The following CLPTM1 variants were observed in gnomAD, a reference collection of about 807,000 sequenced individuals.
The protein encoded by CLPTM1 is putative lipid scramblase CLPTM1.
CLPTM1 carries 21 observed loss-of-function variants against 77.3 expected under a neutral mutation model. The ratio of observed to expected loss-of-function variants is 0.27; its 90% CI spans 0.19 to 0.39. CLPTM1 has a LOEUF of 0.39. Ranked by LOEUF, CLPTM1 falls within the 10% of genes least tolerant of loss-of-function variation. The probability of loss-of-function intolerance (pLI) is 1.00; values close to 1 mark genes in which losing one functional copy is unlikely to be tolerated. For synonymous variants in CLPTM1, 373 were observed against 381.0 expected (o/e 0.98, Z 0.24); for missense variants, 642 against 921.2 (o/e 0.70, Z 3.92).
At chr19:44,972,535 C>T (rs1241238222) in intron 2 of CLPTM1, among the ~76,000 whole-genome samples, 1 of 152,236 alleles carries the variant, frequency 6.6e-6, no homozygotes, top group Non-Finnish European at 1.5e-5. Flanking sequence ...AGGCATGAGC[C>T]GCCGCGCCCG....
chr19:44,992,907 G>A lies in CLPTM1; in HGVS notation c.*10G>A, dbSNP rs772273858. The A allele has an allele frequency of 6.2e-7, 1 of 1,611,948 alleles. No homozygotes were observed. Among genetic ancestry groups the A allele is most frequent in the East Asian group, 2.2e-5 (1 of 44,842 alleles). On this transcript the variant is annotated 3_prime_UTR_variant, in exon 14 of 14. Coordinates refer to ENST00000337392, the MANE Select transcript of CLPTM1 (RefSeq NM_001294.4). The surrounding 1 kb of genome is among the most constrained non-coding windows in gnomAD (Gnocchi z 7.7). ...CAAGAAAAAGGATTAGTCGAGACTG[G>A]TCCTCACCTGCTCCGGCTCCTGGCG... is the stretch of plus-strand genomic sequence containing the variant.
chr19:44,962,805 C>T (rs1970564120), intron 2 of CLPTM1, among the ~76,000 whole-genome samples: 3 of 151,946 alleles, frequency 2.0e-5, no homozygotes, highest in Admixed American at 2.0e-4. Flanking sequence ...GTGGCTTACA[C>T]CTACAATCCC....
chr19:44,989,774 G>A (rs1467934256), intron 9 of CLPTM1, among the ~76,000 whole-genome samples: 4 of 152,314 alleles, frequency 2.6e-5, no homozygotes, highest in South Asian at 4.1e-4. Context: ...AGGGGTGTCC[G>A]TGGTGAGACC....
At chr19:44,976,681 G>A (rs186471444) in intron 4 of CLPTM1, among the ~76,000 whole-genome samples, 1 of 152,244 alleles carries the variant, frequency 6.6e-6, no homozygotes, top group Admixed American at 6.5e-5. Flanking sequence ...TCCCTGGGAG[G>A]CAAGGAGACT....
intron 5 of CLPTM1, among the ~76,000 whole-genome samples, chr19:44,981,899 G>C (rs1970903025): frequency 1.3e-5 from 2 of 152,044 alleles, no homozygotes; most frequent in Admixed American, 6.6e-5. Flanking sequence ...AGGAGACCCT[G>C]TCTCACAAAT....
intron 2 of CLPTM1, among the ~76,000 whole-genome samples, chr19:44,962,990 A>G (rs1258876337): frequency 6.6e-6 from 1 of 151,858 alleles, no homozygotes; most frequent in African/African-American, 2.4e-5. Context: ...GCGCTACTGC[A>G]CTCCAGCCTG....
chr19:44,984,876 G>A (rs1012805164), intron 5 of CLPTM1, among the ~76,000 whole-genome samples: 3 of 151,908 alleles, frequency 2.0e-5, no homozygotes, highest in Admixed American at 1.3e-4. Context: ...TATTAGAGAC[G>A]GGGGGTTTCA....
chr19:44,972,396 C>T lies in CLPTM1; in HGVS notation c.186-691C>T, dbSNP rs569159204. On this transcript the variant is annotated intron_variant, in intron 2 of 13. Coordinates refer to ENST00000337392, the MANE Select transcript of CLPTM1 (RefSeq NM_001294.4). Reference sequence around the variant, plus strand: ...CGGAGTAGCTGGGACTACAGGCGCCCGCCACCATGCCCAGCTAATTTTTTT... The same window carrying T: ...CGGAGTAGCTGGGACTACAGGCGCCTGCCACCATGCCCAGCTAATTTTTTT... Among the ~76,000 whole-genome samples the T allele has an allele frequency of 1.1e-3, 161 of 151,826 alleles. 2 individuals are homozygous for T. Among genetic ancestry groups the T allele is most frequent in the Admixed American group, 8.6e-3 (131 of 15,198 alleles).
intron 2 of CLPTM1, among the ~76,000 whole-genome samples, chr19:44,967,114 T>G (rs1362997186): frequency 6.6e-6 from 1 of 151,820 alleles, no homozygotes; most frequent in Non-Finnish European, 1.5e-5. Flanking sequence ...GTGCTGGGAT[T>G]ACAGGCGTGA....
rs1600050580 is a variant in CLPTM1, at chr19:44,991,927, T to C, written c.1556-306T>C. On this transcript the variant is annotated intron_variant, in intron 12 of 13. Transcript: ENST00000337392. This position sits in a 1 kb window ranked among gnomAD's most constrained non-coding sequence, Gnocchi z 5.4. ...CTCAAAAAACAAAAGACCGGGTGAA[T>C]CACAGCCAATAGTGAGTACTGTGAA... Among the ~76,000 whole-genome samples the C allele has an allele frequency of 6.6e-6, 1 of 151,848 alleles. No homozygotes were observed. The highest frequency in any genetic ancestry group is 6.6e-5 in the Admixed American group (1 of 15,244).
chr19:44,979,490 T>C (rs1390229182), intron 5 of CLPTM1, among the ~76,000 whole-genome samples: 1 of 152,220 alleles, frequency 6.6e-6, no homozygotes, highest in Non-Finnish European at 1.5e-5. Flanking sequence ...TTAAGATCCA[T>C]CTGGCTGGTT....
At chr19:44,977,653 TACCCACGGAGGAAGGGAG>T (rs1247538123) in intron 5 of CLPTM1, among the ~76,000 whole-genome samples, 193 bp downstream of exon 5, 1 of 151,938 alleles carries the variant, frequency 6.6e-6, no homozygotes, top group African/African-American at 2.4e-5. Flanking sequence ...TAAGCAGGGA[TACCCACGGAGGAAGGGAG>T]ACCCACGGAG....
At chr19:44,968,263 G>T (rs890983553) in intron 2 of CLPTM1, among the ~76,000 whole-genome samples, 3 of 152,250 alleles carry the variant, frequency 2.0e-5, no homozygotes, top group South Asian at 4.1e-4. Flanking sequence ...AGGGGCCCAT[G>T]AACTCCTTGT....
upstream of CLPTM1, chr19:44,954,832 AAGGATATG>A (rs1386080533): frequency 8.4e-7 from 1 of 1,196,222 alleles, no homozygotes; most frequent in Non-Finnish European, 1.1e-6. Flanking sequence ...AAAACACAGA[AAGGATATG>A]AGCTCAGGAG....
chr19:44,971,333 A>G (rs555583968), intron 2 of CLPTM1, among the ~76,000 whole-genome samples: 27 of 149,970 alleles, frequency 1.8e-4, no homozygotes, highest in African/African-American at 6.5e-4. Context: ...AATTACAAAT[A>G]TAAAATATAT....
intron 5 of CLPTM1, among the ~76,000 whole-genome samples, chr19:44,978,117 T>C (rs1970834418): frequency 6.8e-6 from 1 of 148,102 alleles, no homozygotes; most frequent in African/African-American, 2.5e-5. Flanking sequence ...CTCAAAAAGA[T>C]AGATAGAGGC....
chr19:44,985,396 C>G, intron 6 of CLPTM1, 93 bp downstream of exon 6: 1 of 862,606 alleles, frequency 1.2e-6, no homozygotes, highest in Non-Finnish European at 1.9e-6. Context: ...GTCACCACCA[C>G]TGAACCACCA....
chr19:44,959,526 T>G (rs1314378766), intron 1 of CLPTM1, among the ~76,000 whole-genome samples: 2 of 151,920 alleles, frequency 1.3e-5, no homozygotes, highest in African/African-American at 2.4e-5. Flanking sequence ...GGCTAATTTT[T>G]GTATTTTTAT....
At chr19:44,969,887 C>A (rs2122266579) in intron 2 of CLPTM1, among the ~76,000 whole-genome samples, 1 of 149,462 alleles carries the variant, frequency 6.7e-6, no homozygotes, top group East Asian at 1.9e-4. Flanking sequence ...GGGGTTTCAC[C>A]ATGTTGGCCA....
Sources: allele counts gnomAD v4.1 joint callset (sites outside exome capture counted in the v4.1 genomes callset), GRCh38; gene constraint gnomAD v4.1.1; non-coding constraint Gnocchi (gnomAD v3.1); transcripts MANE v1.5; gene names NCBI Gene and HGNC (gene_info 2026-07-23, HGNC 2026-07-21).